The following HEATR4 variants were observed in gnomAD, a reference collection of about 807,000 sequenced individuals.
HEATR4 encodes the protein HEAT repeat-containing protein 4.
Under a neutral mutation model 108.8 loss-of-function variants are expected in HEATR4, and 95 were observed. That is an observed-to-expected ratio of 0.87 (90% CI 0.74 to 1.04). The LOEUF is 1.04. Ranked by LOEUF, HEATR4 falls within the 50% of genes least tolerant of loss-of-function variation. HEATR4 has a pLI of 0.00. For missense variants in HEATR4, 1,152 were observed against 1,253.8 expected, an observed-to-expected ratio of 0.92 and a Z score of 1.23; for synonymous variants, 443 against 459.4, an observed-to-expected ratio of 0.96 and a Z score of 0.46.
intron 1 of HEATR4, chr14:73,543,436 GC>G: frequency 9.6e-7 from 1 of 1,037,780 alleles, no homozygotes; most frequent in Non-Finnish European, 1.4e-6. Context: ...GGAGGAGAAA[GC>G]CCCAGATCAT....
chr14:73,584,574 G>C, the HEATR4 span, among the ~76,000 whole-genome samples: 6 of 147,802 alleles, frequency 4.1e-5, no homozygotes, highest in African/African-American at 1.5e-4. Flanking sequence ...CAGTGTAATT[G>C]GTCTGTAACA....
Position 73,506,570 on chromosome 14 carries a change from G to T in HEATR4, c.1883C>A (p.Thr628Asn). The T allele has an allele frequency of 6.2e-7, 1 of 1,611,162 alleles. No homozygotes were observed. Residue 628 changes from threonine to asparagine, a missense_variant and splice_region_variant, in exon 10 of 18, where the codon ACC becomes AAC. Coordinates refer to ENST00000553558, the MANE Select transcript of HEATR4 (RefSeq NM_001220484.1). ...ILLSYLSEKT[T>N]LIHTMLAVEL... ...CACAGCAAGCATGGTGTGTATCAGG[G>T]TCTGAGGAAATGGAAGACTTGTATG...
chr14:73,522,862 G>A lies in HEATR4; in HGVS notation c.291C>T (p.Tyr97=). The A allele has an allele frequency of 1.2e-6, 2 of 1,614,174 alleles. No homozygotes were observed. The highest frequency in any genetic ancestry group is 1.7e-6 in the Non-Finnish European group (2 of 1,180,030). ...PYSQYSFDHL[Y]NTNDIIHTPQ... The stretch of plus-strand genomic sequence containing the variant: ...GAGTATGGATGATGTCATTGGTATT[G>A]TAGAGGTGGTCAAAGCTGTACTGGC... Residue 97 remains tyrosine (Y), a synonymous_variant, in exon 3 of 18, where the codon TAC becomes TAT. Transcript: ENST00000553558.
chr14:73,594,468 G>C, the HEATR4 span, among the ~76,000 whole-genome samples: 8 of 151,784 alleles, frequency 5.3e-5, no homozygotes, highest in Non-Finnish European at 1.2e-4. Flanking sequence ...GCATTCTCTA[G>C]TGGATAATTC....
chr14:73,632,424 CTTCCAGAACCA>C, the HEATR4 span, among the ~76,000 whole-genome samples: 25,389 of 152,056 alleles, frequency 0.17, 2,665 homozygotes, highest in South Asian at 0.23. Flanking sequence ...GAAGTGTTTC[CTTCCAGAACCA>C]TTCCAGAACC....
chr14:73,617,796 G>T, the HEATR4 span, among the ~76,000 whole-genome samples: 1 of 152,034 alleles, frequency 6.6e-6, no homozygotes, highest in Admixed American at 6.6e-5. Flanking sequence ...GTATGATAAT[G>T]GTATTATGGT....
intron 14 of HEATR4, among the ~76,000 whole-genome samples, chr14:73,497,861 G>A (rs1166238717): frequency 6.6e-6 from 1 of 151,970 alleles, no homozygotes; most frequent in Admixed American, 6.6e-5. Context: ...CCCGACCTCA[G>A]GTGATCCTCC....
the HEATR4 span, among the ~76,000 whole-genome samples, chr14:73,590,841 G>A: frequency 6.6e-6 from 1 of 152,136 alleles, no homozygotes; most frequent in African/African-American, 2.4e-5. Context: ...GTAAGCTGAG[G>A]GAGCCGACTC....
At chr14:73,578,768 A>G in the HEATR4 span, among the ~76,000 whole-genome samples, 1 of 150,830 alleles carries the variant, frequency 6.6e-6, no homozygotes. Flanking sequence ...AGCCTGACCA[A>G]TGTGATGAAA....
At chr14:73,627,853 T>C in the HEATR4 span, among the ~76,000 whole-genome samples, 1 of 152,060 alleles carries the variant, frequency 6.6e-6, no homozygotes, top group Admixed American at 6.6e-5. Flanking sequence ...TCTTACTCTC[T>C]GTTGCCTAGG....
the HEATR4 span, among the ~76,000 whole-genome samples, chr14:73,598,217 CAAAAAA>C: frequency 7.6e-4 from 42 of 54,908 alleles, no homozygotes; most frequent in South Asian, 0.027. Flanking sequence ...ACTAAAAATA[CAAAAAA>C]AAAAAAAAAA....
At chr14:73,598,189 T>C in the HEATR4 span, among the ~76,000 whole-genome samples, 3 of 115,178 alleles carry the variant, frequency 2.6e-5, no homozygotes, top group African/African-American at 3.4e-5. Context: ...CTGGTTAACA[T>C]GGTGAAACCC....
chr14:73,603,399 G>A, the HEATR4 span, among the ~76,000 whole-genome samples: 1 of 152,056 alleles, frequency 6.6e-6, no homozygotes, highest in African/African-American at 2.4e-5. Context: ...TCTGTCGCCA[G>A]GCTGGAATGC....
chr14:73,494,749 A>AG (rs1440844708), intron 16 of HEATR4, among the ~76,000 whole-genome samples: 1 of 151,922 alleles, frequency 6.6e-6, no homozygotes. Context: ...GTAGAGATGG[A>AG]GGGGTCTTGC....
rs1886866979 is a variant in HEATR4, at chr14:73,506,804, G to GTTTTTTTTTTGTTTGTT, written c.1882-234_1882-233insAACAAACAAAAAAAAAA. Among the ~76,000 whole-genome samples, 8 of 80,492 alleles carry GTTTTTTTTTTGTTTGTT rather than the reference G, an allele frequency of 9.9e-5. No individual in the cohort carries two copies. In the South Asian group the frequency reaches 3.1e-3, roughly 31 times the overall value. The allele number at this position is 80,492 out of a possible 152,430, so 52.8% of individuals were successfully genotyped here. On this transcript the variant is annotated intron_variant, in intron 9 of 17. Coordinates refer to ENST00000553558, the MANE Select transcript of HEATR4 (RefSeq NM_001220484.1). ...GGACCTTCCTTTCCTGACTTTAACT[G>GTTTTTTTTTTGTTTGTT]TTTTTTTTTTTTTTTTTTTTTCTGA...
At chr14:73,592,021 T>C in the HEATR4 span, 1 of 1,442,506 alleles carries the variant, frequency 6.9e-7, no homozygotes, top group East Asian at 3.0e-5. Flanking sequence ...CCGGTGCGCA[T>C]TGCCGTGCGC....
intron 13 of HEATR4, 104 bp from the exon 14 acceptor site, chr14:73,498,448 G>T: frequency 1.0e-6 from 1 of 992,992 alleles, no homozygotes; most frequent in Non-Finnish European, 1.5e-6. Context: ...CTTTTGGATG[G>T]TAATCACCAT....
chr14:73,582,850 T>C, the HEATR4 span: 6 of 152,188 alleles, frequency 3.9e-5, no homozygotes, highest in African/African-American at 1.4e-4. Flanking sequence ...TCTCTCACGG[T>C]ATACAGTCCA....
At chr14:73,616,538 CAA>C in the HEATR4 span, among the ~76,000 whole-genome samples, 1 of 151,458 alleles carries the variant, frequency 6.6e-6, no homozygotes, top group Non-Finnish European at 1.5e-5. Flanking sequence ...ACTAAAAATA[CAA>C]AAAAAATTAG....
Sources: allele counts gnomAD v4.1 joint callset (sites outside exome capture counted in the v4.1 genomes callset), GRCh38; gene constraint gnomAD v4.1.1; transcripts MANE v1.5; gene names NCBI Gene and HGNC (gene_info 2026-07-23, HGNC 2026-07-21).